Variants in RAX observed in about 807,000 individuals in gnomAD.
RAX encodes retina and anterior neural fold homeobox, also known as retinal homeobox protein Rx.
RAX carries 11 observed loss-of-function variants against 17.4 expected under a neutral mutation model. The observed-to-expected ratio is 0.63, with a 90% CI of 0.40 to 1.05. RAX has a LOEUF of 1.05. Ranked by LOEUF, RAX falls within the 50% of genes least tolerant of loss-of-function variation. The pLI, the probability that RAX is intolerant of heterozygous loss-of-function variation, is 0.00. For synonymous variants in RAX, 276 were observed against 254.7 expected (o/e 1.08, Z -0.80); for missense variants, 527 against 501.1 (o/e 1.05, Z -0.49).
chr18:59,269,884 G>A (rs1041485378), intron 2 of RAX, among the ~76,000 whole-genome samples: 2 of 151,530 alleles, frequency 1.3e-5, no homozygotes, highest in African/African-American at 4.8e-5. Flanking sequence ...GTGCGTAGCA[G>A]AAGCTCAGAA....
At position 59,273,236 on chromosome 18, in the gene RAX, T is replaced by C. The variant is rs1181934492; in HGVS notation, c.-30A>G. 6.6e-7 allele frequency: 1 copy of C among 1,518,576 alleles called. No homozygotes were observed. Among genetic ancestry groups the C allele is most frequent in the African/African-American group, 1.4e-5 (1 of 71,574 alleles). 94.1% of individuals were successfully genotyped at this position (1,518,576 alleles called of 1,614,324 possible). On this transcript the variant is annotated 5_prime_UTR_variant, in exon 1 of 3. Coordinates refer to ENST00000334889, the MANE Select transcript of RAX (RefSeq NM_013435.3). ...AGCGCCGGGAGGCGGGAGGGCGCTT[T>C]GGAGACGGAGAGGAGAGGCTCGAAG...
chr18:59,271,043 T>C (rs1844994988), intron 2 of RAX, among the ~76,000 whole-genome samples: 2 of 152,250 alleles, frequency 1.3e-5, no homozygotes, highest in South Asian at 4.1e-4. Context: ...TGGGAGATCC[T>C]GCCTAGTATC....
rs976347043 is a variant in RAX at position 59,268,896 on chromosome 18, G to A, written c.*108C>T. The A allele has an allele frequency of 1.0e-5, 16 of 1,555,542 alleles. No homozygotes were observed. The highest frequency in any genetic ancestry group is 1.4e-5 in the Non-Finnish European group (16 of 1,140,324). ...CTATGCTTGGCGGGTGGCTGCAGGC[G>A]ACAGGGAAAGAGGGGCCGAGCTGGG... On this transcript the variant is annotated 3_prime_UTR_variant, in exon 3 of 3. Coordinates refer to ENST00000334889, the MANE Select transcript of RAX (RefSeq NM_013435.3). The surrounding 1 kb of genome is among the most constrained non-coding windows in gnomAD (Gnocchi z 4.4).
At position 59,269,448 on chromosome 18, in the gene RAX, C is replaced by T. The variant is rs1772815774; in HGVS notation, c.597G>A (p.Val199=). 1.3e-6 allele frequency: 2 copies of T among 1,593,346 alleles called. No homozygotes were observed. Among genetic ancestry groups the T allele is most frequent in the South Asian group, 2.2e-5 (2 of 89,870 alleles). Residue 199 remains valine, a synonymous_variant, in exon 3 of 3, where the codon GTG becomes GTA. Transcript: ENST00000334889. ...AKWRRQEKLE[V]SSMKLQDSPL... ...GCGAGTCCTGCAGCTTCATGGAGGA[C>T]ACTTCCAGCTTCTCCTGCCGCCGCC...
chr18:59,269,517 C>A lies in RAX; in HGVS notation c.544-16G>T. On this transcript the variant is annotated splice_polypyrimidine_tract_variant and intron_variant, in intron 2 of 2. Coordinates refer to ENST00000334889, the MANE Select transcript of RAX (RefSeq NM_013435.3). Reference sequence around the variant, plus strand: ...GGAACCACACCTGCAGGAGAGAGCACAGGGGCCGTCGGGCAGCAGCGGAGG... The same window carrying A: ...GGAACCACACCTGCAGGAGAGAGCAAAGGGGCCGTCGGGCAGCAGCGGAGG... 6.3e-7 allele frequency: 1 copy of A among 1,594,766 alleles called. No homozygotes were observed.
At chr18:59,270,900 C>T (rs377557828) in intron 2 of RAX, among the ~76,000 whole-genome samples, 1 of 152,174 alleles carries the variant, frequency 6.6e-6, no homozygotes, top group African/African-American at 2.4e-5. Flanking sequence ...CCTGTCCCAC[C>T]ACCTTCTCGG....
chr18:59,268,914 G>A lies in RAX; in HGVS notation c.*90C>T. 6.3e-7 allele frequency: 1 copy of A among 1,597,620 alleles called. No individual in the cohort carries two copies. Among genetic ancestry groups the A allele is most frequent in the Non-Finnish European group, 8.5e-7 (1 of 1,170,164 alleles). ...TGCAGGCGACAGGGAAAGAGGGGCC[G>A]AGCTGGGGAGGGGGGTTGTCCCTGG... is the stretch of plus-strand genomic sequence containing the variant. On this transcript the variant is annotated 3_prime_UTR_variant, in exon 3 of 3. Transcript: ENST00000334889. This position sits in a 1 kb window ranked among gnomAD's most constrained non-coding sequence, Gnocchi z 4.4.
Position 59,269,157 on chromosome 18 carries a change from G to A in RAX, c.888C>T (p.Leu296=), listed in dbSNP as rs1407345296. ...SPPLGPGLQP[L]APPPPSYPCG... ...ACGGGTAGGAGGGCGGCGGCGGCGC[G>A]AGAGGTTGCAGGCCGGGGCCCAACG... The change falls in exon 3 of 3, where the codon CTC becomes CTT. Residue 296 remains leucine, a synonymous_variant. Coordinates refer to ENST00000334889, the MANE Select transcript of RAX (RefSeq NM_013435.3). The A allele has an allele frequency of 6.3e-7, 1 of 1,580,582 alleles. No homozygotes were observed. Among genetic ancestry groups the A allele is most frequent in the Admixed American group, 1.8e-5 (1 of 56,214 alleles).
Position 59,269,241 on chromosome 18 carries a change from C to G in RAX, c.804G>C (p.Gln268His). ...GTGGCGTGTAGCTGGCAGGCAGGCT[C>G]TGCGCCGGCGGCCCGAAGCCCGGCA... ...QSLPGFGPPA[Q>H]SLPASYTPPP... The change falls in exon 3 of 3, where the codon CAG becomes CAC. Residue 268 changes from glutamine (Q) to histidine (H), a missense_variant. Coordinates refer to ENST00000334889, the MANE Select transcript of RAX (RefSeq NM_013435.3). 2 of 1,508,236 alleles carry G rather than the reference C, an allele frequency of 1.3e-6. No individual in the cohort carries two copies. Among genetic ancestry groups the G allele is most frequent in the South Asian group, 1.2e-5 (1 of 81,086 alleles). 93.4% of individuals were successfully genotyped at this position (1,508,236 alleles called of 1,614,324 possible). A position where few individuals can be genotyped will look rare whatever the true frequency, so the allele number is the denominator to read the frequency against.
At position 59,267,767 on chromosome 18, in the gene RAX, A is replaced by C. The variant is rs1014536439; in HGVS notation, c.*1237T>G. 6.6e-6 allele frequency: 1 copy of C among 152,120 alleles called. No homozygotes were observed. The highest frequency in any genetic ancestry group is 2.4e-5 in the African/African-American group (1 of 41,412). The allele number at this position is 152,120 out of a possible 1,614,324, so 9.4% of individuals were successfully genotyped here. On this transcript the variant is annotated 3_prime_UTR_variant, in exon 3 of 3. Transcript: ENST00000334889. ...GGACTCTCCTTCTTCAGAGAGTCTCAGGAGATTGTGAAGCGGGCTGAGATT... is the reference window on the plus strand; with the variant it reads ...GGACTCTCCTTCTTCAGAGAGTCTCCGGAGATTGTGAAGCGGGCTGAGATT...
At position 59,273,067 on chromosome 18, in the gene RAX, A is replaced by G. The variant is rs61735443; in HGVS notation, c.140T>C (p.Ile47Thr). 6.5e-7 allele frequency: 1 copy of G among 1,534,980 alleles called. No homozygotes were observed. The highest frequency in any genetic ancestry group is 8.7e-7 in the Non-Finnish European group (1 of 1,146,370). Residue 47 changes from isoleucine (I) to threonine (T), a missense_variant, in exon 1 of 3, where the codon ATC (isoleucine) becomes ACC (threonine). Ile to Thr is a moderately conservative substitution (Grantham distance 89). Coordinates refer to ENST00000334889, the MANE Select transcript of RAX (RefSeq NM_013435.3). The part of the protein sequence containing the change: ...AILGFTKDDG[I>T]LGTFPAERGA... ...CCGCTCCGCCGGGAAGGTGCCGAGG[A>G]TCCCGTCGTCCTTGGTAAACCCCAG...
At chr18:59,272,277 A>G in intron 2 of RAX, 84 bp downstream of exon 2, 3 of 1,578,742 alleles carry the variant, frequency 1.9e-6, no homozygotes, top group Non-Finnish European at 2.6e-6. Context: ...AAATGCATGG[A>G]CACCCGTGAA....
chr18:59,272,893 C>T (rs765932733), intron 1 of RAX, 25 bp downstream of exon 1: 1 of 1,493,060 alleles, frequency 6.7e-7, no homozygotes, highest in Non-Finnish European at 8.8e-7. Context: ...CGAACGGCCT[C>T]GCACAGCCAG....
intron 2 of RAX, 88 bp downstream of exon 2, chr18:59,272,273 A>T: frequency 1.3e-6 from 2 of 1,573,036 alleles, no homozygotes; most frequent in Non-Finnish European, 1.7e-6. Flanking sequence ...TAATAAATGC[A>T]TGGACACCCG....
intron 2 of RAX, 102 bp downstream of exon 2, chr18:59,272,259 A>C (rs2070343559): frequency 1.3e-6 from 2 of 1,502,616 alleles, no homozygotes; most frequent in Admixed American, 3.6e-5. Flanking sequence ...TCGAGGAAGG[A>C]CAGTAATAAA....
chr18:59,272,863 A>C, intron 1 of RAX, 55 bp downstream of exon 1: 1 of 1,491,134 alleles, frequency 6.7e-7, no homozygotes, highest in South Asian at 1.4e-5. Flanking sequence ...TCGTCTGGCC[A>C]ACTCCTAAGC....
Position 59,272,493 on chromosome 18 carries a change from C to CGGTGAAAGTCCG in RAX, c.410_411insCGGACTTTCACC (p.Arg137_Arg138insGlyLeuSerPro). The CGGTGAAAGTCCG allele has an allele frequency of 3.7e-6, 6 of 1,614,250 alleles. No individual in the cohort carries two copies. The highest frequency in any genetic ancestry group is 5.1e-6 in the Non-Finnish European group (6 of 1,180,050). On this transcript the variant is annotated inframe_insertion, in exon 2 of 3. Coordinates refer to ENST00000334889, the MANE Select transcript of RAX (RefSeq NM_013435.3). Reference sequence around the variant, plus strand: ...ACGTGGTGAAAGTCGTGCGGTTCCGCCGATGCTTTTTCTTGGGCTGTTCCT... The same window carrying CGGTGAAAGTCCG: ...ACGTGGTGAAAGTCGTGCGGTTCCGCGGTGAAAGTCCGCGATGCTTTTTCTTGGGCTGTTCCT...
intron 2 of RAX, 137 bp from the exon 3 acceptor site, chr18:59,269,638 C>A: frequency 1.1e-6 from 1 of 914,100 alleles, no homozygotes. Flanking sequence ...TATGCATGTG[C>A]CGAGAGAGGC....
In RAX at chr18:59,268,846, T is replaced by A; in HGVS notation, c.*158A>T. The A allele has an allele frequency of 8.0e-7, 1 of 1,244,182 alleles. No homozygotes were observed. The highest frequency in any genetic ancestry group is 1.1e-6 in the Non-Finnish European group (1 of 900,374). 77.1% of individuals were successfully genotyped at this position (1,244,182 alleles called of 1,614,324 possible). On this transcript the variant is annotated 3_prime_UTR_variant, in exon 3 of 3. Coordinates refer to ENST00000334889, the MANE Select transcript of RAX (RefSeq NM_013435.3). This position sits in a 1 kb window ranked among gnomAD's most constrained non-coding sequence, Gnocchi z 4.4. Reference sequence around the variant, plus strand: ...TGAAAGTCGCCCTTCTCCCCGTGCATCGGGAGCAGGCGCGTGGCCCTGAAC... The same window carrying A: ...TGAAAGTCGCCCTTCTCCCCGTGCAACGGGAGCAGGCGCGTGGCCCTGAAC...
Sources: gnomAD v4.1 joint callset for allele counts (sites outside exome capture counted in the v4.1 genomes callset) on GRCh38, gnomAD v4.1.1 for gene constraint, Gnocchi (gnomAD v3.1) non-coding constraint, MANE v1.5 for transcripts, NCBI Gene and HGNC (gene_info 2026-07-23, HGNC 2026-07-21) for gene names.